MAP3K8: variants seen among roughly 807,000 people sequenced by gnomAD.
The protein encoded by MAP3K8 is Ewing sarcoma transformant.
Under a neutral mutation model 45.8 loss-of-function variants are expected in MAP3K8, and 22 were observed. The ratio of observed to expected loss-of-function variants is 0.48; its 90% CI spans 0.34 to 0.69. The LOEUF (loss-of-function observed/expected upper bound fraction) is 0.69. Ranked by LOEUF, MAP3K8 falls within the 30% of genes least tolerant of loss-of-function variation. MAP3K8 has a pLI of 0.01. For synonymous variants in MAP3K8, 223 were observed against 214.3 expected, an observed-to-expected ratio of 1.04 and a Z score of -0.36; for missense variants, 419 against 585.0, an observed-to-expected ratio of 0.72 and a Z score of 2.93.
chr10:30,441,160 C>CTTTTTTTT (rs11331000), intron 3 of MAP3K8, among the ~76,000 whole-genome samples: 7 of 144,354 alleles, frequency 4.8e-5, no homozygotes, highest in African/African-American at 1.8e-4. Flanking sequence ...AAGGAGAATT[C>CTTTTTTTT]TTTTTTTTTT....
chr10:30,444,003 CAT>C (rs1833084497), intron 3 of MAP3K8, among the ~76,000 whole-genome samples: 1 of 151,340 alleles, frequency 6.6e-6, no homozygotes, highest in Non-Finnish European at 1.5e-5. Flanking sequence ...GCCTGGGCAA[CAT>C]AGTGAGACCC....
chr10:30,448,414 T>TTTATTATTATTATTATTATTA lies in MAP3K8; in HGVS notation c.504+480_504+500dup, dbSNP rs1554773753. ...ATGATTGAAAAGACCCTATCCCAAATTTATTATTATTATTATTATTATTAT... is the reference window on the plus strand; with the variant it reads ...ATGATTGAAAAGACCCTATCCCAAATTTATTATTATTATTATTATTATTATTATTATTATTATTATTATTAT... On this transcript the variant is annotated intron_variant, in intron 4 of 8. Coordinates refer to ENST00000263056, the MANE Select transcript of MAP3K8 (RefSeq NM_005204.4). Among the ~76,000 whole-genome samples, 4 of 136,444 alleles carry TTTATTATTATTATTATTATTA rather than the reference T, an allele frequency of 2.9e-5. No homozygotes were observed. In the East Asian group the frequency reaches 6.3e-4, roughly 22 times the overall value. The allele number at this position is 136,444 out of a possible 152,430, so 89.5% of individuals were successfully genotyped here.
At chr10:30,438,405 T>C (rs1290082122) in intron 2 of MAP3K8, among the ~76,000 whole-genome samples, 2 of 152,228 alleles carry the variant, frequency 1.3e-5, no homozygotes, top group African/African-American at 2.4e-5. Flanking sequence ...CTTCTGGCTT[T>C]CAGGGCCTGA....
At chr10:30,436,486 A>G (rs547023383) in intron 1 of MAP3K8, among the ~76,000 whole-genome samples, 6 of 151,988 alleles carry the variant, frequency 3.9e-5, no homozygotes, top group African/African-American at 1.2e-4. Flanking sequence ...TCCCCTTTCC[A>G]GGCAACTCAC....
At chr10:30,456,223 C>T (rs980884436) in intron 6 of MAP3K8, among the ~76,000 whole-genome samples, 1 of 152,230 alleles carries the variant, frequency 6.6e-6, no homozygotes, top group African/African-American at 2.4e-5. Context: ...TTAGCATGAA[C>T]TCTACCCTCT....
rs1409841 is a variant in MAP3K8, at chr10:30,438,219, G to A, written c.-23-697G>A. On this transcript the variant is annotated intron_variant, in intron 2 of 8. Transcript: ENST00000263056. ...ACTATTAAAGAATTCTGGTCCTAAG[G>A]GAGGACAGCTGAATCATAGGTTAAA... is the stretch of plus-strand genomic sequence containing the variant. Among the ~76,000 whole-genome samples the A allele has an allele frequency of 5.1e-3, 772 of 152,224 alleles. 7 individuals are homozygous for A. The highest frequency in any genetic ancestry group is 0.018 in the African/African-American group (736 of 41,518).
At chr10:30,447,999 C>G (rs1313388996) in intron 4 of MAP3K8, 50 bp downstream of exon 4, 3 of 1,533,182 alleles carry the variant, frequency 2.0e-6, no homozygotes, top group Non-Finnish European at 2.6e-6. Flanking sequence ...GGCATTCTGG[C>G]TTTTGTTTTT....
intron 4 of MAP3K8, among the ~76,000 whole-genome samples, chr10:30,448,623 G>A (rs1041422893): frequency 2.6e-5 from 4 of 151,864 alleles, no homozygotes; most frequent in East Asian, 1.9e-4. Flanking sequence ...CAGTAGAGAC[G>A]GGTTTCACCA....
chr10:30,447,881 C>T lies in MAP3K8; in HGVS notation c.436C>T (p.Arg146Trp), dbSNP rs369295837. ...GAATATTGGTTCTGATTTTATTCCT[C>T]GGGGCGCCTTTGGAAAGGTATACTT... ...YRNIGSDFIP[R>W]GAFGKVYLAQ... is the part of the protein sequence containing the mutation. The change falls in exon 4 of 9, where the codon CGG (arginine) becomes TGG (tryptophan). Residue 146 changes from arginine (R) to tryptophan (W), a missense_variant. Coordinates refer to ENST00000263056, the MANE Select transcript of MAP3K8 (RefSeq NM_005204.4). The T allele has an allele frequency of 2.5e-6, 4 of 1,613,538 alleles. No homozygotes were observed. The highest frequency in any genetic ancestry group is 1.3e-5 in the African/African-American group (1 of 74,858).
chr10:30,438,355 T>G (rs1194531524), intron 2 of MAP3K8, among the ~76,000 whole-genome samples: 1 of 152,248 alleles, frequency 6.6e-6, no homozygotes, highest in East Asian at 1.9e-4. Context: ...ACTTGACCTA[T>G]TGCCATCAAA....
intron 3 of MAP3K8, chr10:30,439,558 C>T (rs1435712942): frequency 2.4e-5 from 15 of 623,448 alleles, no homozygotes; most frequent in Middle Eastern, 4.4e-4. Flanking sequence ...GCCTGTAATC[C>T]GCGCACTTGG....
chr10:30,440,413 T>C (rs192353343), intron 3 of MAP3K8, among the ~76,000 whole-genome samples: 1 of 152,288 alleles, frequency 6.6e-6, no homozygotes, highest in Non-Finnish European at 1.5e-5. Flanking sequence ...TACTTAATTA[T>C]TTTGCTTTTT....
intron 3 of MAP3K8, among the ~76,000 whole-genome samples, chr10:30,444,652 T>C (rs570759862): frequency 8.1e-4 from 123 of 152,190 alleles, no homozygotes; most frequent in African/African-American, 2.9e-3. Flanking sequence ...TGGGAAGTTA[T>C]AAAATAGGGG....
chr10:30,445,031 G>T (rs968873668), intron 3 of MAP3K8, among the ~76,000 whole-genome samples: 3 of 152,180 alleles, frequency 2.0e-5, no homozygotes, highest in Admixed American at 2.0e-4. Flanking sequence ...GCACATTGCT[G>T]TACTTAGAAC....
chr10:30,435,358 G>GC (rs2132770699), intron 1 of MAP3K8, among the ~76,000 whole-genome samples: 1 of 152,270 alleles, frequency 6.6e-6, no homozygotes, highest in Non-Finnish European at 1.5e-5. Context: ...CTGGCATACG[G>GC]CCCATGAGGA....
intron 5 of MAP3K8, 108 bp downstream of exon 5, chr10:30,450,627 TCCC>T: frequency 1.5e-5 from 14 of 931,208 alleles, no homozygotes; most frequent in Non-Finnish European, 2.0e-5. Flanking sequence ...GGTGGAAAGC[TCCC>T]TCAGAGCACC....
At chr10:30,447,738 C>T in intron 3 of MAP3K8, 44 bp from the exon 4 acceptor site, 1 of 1,557,956 alleles carries the variant, frequency 6.4e-7, no homozygotes, top group Non-Finnish European at 8.8e-7. Flanking sequence ...AAAAAGCCAG[C>T]TTGACTGAAG....
chr10:30,453,753 G>A (rs755767573), intron 6 of MAP3K8, among the ~76,000 whole-genome samples: 12 of 152,064 alleles, frequency 7.9e-5, no homozygotes, highest in East Asian at 1.9e-4. Flanking sequence ...AGGGATGGGC[G>A]TGGTGTTCTC....
At chr10:30,442,785 TTATATC>T (rs776100218) in intron 3 of MAP3K8, among the ~76,000 whole-genome samples, 72 of 152,276 alleles carry the variant, frequency 4.7e-4, no homozygotes, top group Non-Finnish European at 6.3e-4. Context: ...TTTTACAACT[TTATATC>T]TATAAGTGTG....
Sources: gnomAD v4.1 joint callset for allele counts (sites outside exome capture counted in the v4.1 genomes callset) on GRCh38, gnomAD v4.1.1 for gene constraint, MANE v1.5 for transcripts, NCBI Gene and HGNC (gene_info 2026-07-23, HGNC 2026-07-21) for gene names.